Variants in CSRNP3 observed in about 807,000 individuals in gnomAD.
CSRNP3 encodes the protein cysteine and serine rich nuclear protein 3.
Under a neutral mutation model 48.0 loss-of-function variants are expected in CSRNP3, and 12 were observed. That is an observed-to-expected ratio of 0.25 (90% CI 0.16 to 0.41). The LOEUF (loss-of-function observed/expected upper bound fraction) is 0.41, where lower values mean the gene tolerates loss of function less well. CSRNP3 is among the 10% of genes least tolerant of loss of function. CSRNP3 has a pLI of 1.00. For synonymous variants in CSRNP3, 263 were observed against 269.7 expected, an observed-to-expected ratio of 0.98 and a Z score of 0.24; for missense variants, 580 against 724.4, an observed-to-expected ratio of 0.80 and a Z score of 2.29.
chr2:165,502,402 T>C (rs1008530638), intron 2 of CSRNP3, among the ~76,000 whole-genome samples: 1 of 152,002 alleles, frequency 6.6e-6, no homozygotes, highest in Admixed American at 6.6e-5. Flanking sequence ...TCTCTATATA[T>C]TTTCACAATT....
In CSRNP3 at chr2:165,492,042, C is replaced by G. The variant is rs141981956; in HGVS notation, c.-282-2717C>G. On this transcript the variant is annotated intron_variant, in intron 1 of 6. Coordinates refer to ENST00000651982, the MANE Select transcript of CSRNP3 (RefSeq NM_001172173.2). ...CTTTTAGGAAATACCTTAACCTTCCCTCCACTTTGTCCTCTTTCTAAATTC... is the reference window on the plus strand; with the variant it reads ...CTTTTAGGAAATACCTTAACCTTCCGTCCACTTTGTCCTCTTTCTAAATTC... Among the ~76,000 whole-genome samples the G allele has an allele frequency of 5.6e-4, 85 of 151,890 alleles. No homozygotes were observed. In the East Asian group the frequency reaches 0.015, roughly 27 times the overall value.
intron 3 of CSRNP3, among the ~76,000 whole-genome samples, chr2:165,569,658 A>T (rs1422953073): frequency 2.0e-5 from 3 of 151,914 alleles, no homozygotes; most frequent in Non-Finnish European, 4.4e-5. Context: ...TTTCTTTGTT[A>T]ATTTCATATT....
intron 1 of CSRNP3, among the ~76,000 whole-genome samples, chr2:165,477,487 T>TATAC (rs1253078585): frequency 1.6e-5 from 2 of 124,302 alleles, no homozygotes; most frequent in Non-Finnish European, 3.3e-5. Flanking sequence ...ATATGAAATA[T>TATAC]ATATATATAT....
At chr2:165,516,351 T>C (rs756405974) in intron 2 of CSRNP3, among the ~76,000 whole-genome samples, 1 of 152,140 alleles carries the variant, frequency 6.6e-6, no homozygotes, top group Non-Finnish European at 1.5e-5. Flanking sequence ...TATAATGTTC[T>C]CAATAGAATT....
chr2:165,548,368 A>G (rs935674766), intron 3 of CSRNP3, among the ~76,000 whole-genome samples: 1 of 152,012 alleles, frequency 6.6e-6, no homozygotes, highest in Non-Finnish European at 1.5e-5. Context: ...AAGATTAGTA[A>G]CATATACCTC....
chr2:165,480,456 T>C (rs1684025638), intron 1 of CSRNP3, among the ~76,000 whole-genome samples: 1 of 152,266 alleles, frequency 6.6e-6, no homozygotes, highest in East Asian at 1.9e-4. Flanking sequence ...GAATCCTACC[T>C]AGTACATATA....
chr2:165,482,106 A>T (rs982063934), intron 1 of CSRNP3, among the ~76,000 whole-genome samples: 1 of 152,088 alleles, frequency 6.6e-6, no homozygotes, highest in African/African-American at 2.4e-5. Flanking sequence ...AAATAAAATA[A>T]AATAGCTACT....
At chr2:165,517,770 A>G (rs1179416748) in intron 2 of CSRNP3, 103 bp from the exon 3 acceptor site, 1 of 152,362 alleles carries the variant, frequency 6.6e-6, no homozygotes, top group Non-Finnish European at 1.5e-5. Flanking sequence ...TAAGATTTCT[A>G]TTGATTTTCT....
intron 4 of CSRNP3, among the ~76,000 whole-genome samples, chr2:165,643,445 A>G (rs1686759548): frequency 6.6e-6 from 1 of 152,204 alleles, no homozygotes; most frequent in African/African-American, 2.4e-5. Flanking sequence ...CTATGTGCAT[A>G]GCATCTGTTT....
At chr2:165,596,507 T>C (rs1685814042) in intron 4 of CSRNP3, among the ~76,000 whole-genome samples, 1 of 152,176 alleles carries the variant, frequency 6.6e-6, no homozygotes, top group African/African-American at 2.4e-5. Context: ...GAAATAAATA[T>C]AGTAAAATCA....
At chr2:165,597,476 A>G (rs1476101607) in intron 4 of CSRNP3, among the ~76,000 whole-genome samples, 1 of 152,192 alleles carries the variant, frequency 6.6e-6, no homozygotes, top group Non-Finnish European at 1.5e-5. Flanking sequence ...CCAAAATACC[A>G]GATAGATTAC....
At chr2:165,482,014 C>G (rs1320773060) in intron 1 of CSRNP3, among the ~76,000 whole-genome samples, 1 of 151,998 alleles carries the variant, frequency 6.6e-6, no homozygotes, top group Admixed American at 6.5e-5. Context: ...CATGCATACA[C>G]CAAGCCCCTG....
At chr2:165,546,238 C>G (rs939427687) in intron 3 of CSRNP3, among the ~76,000 whole-genome samples, 1 of 152,132 alleles carries the variant, frequency 6.6e-6, no homozygotes, top group Non-Finnish European at 1.5e-5. Context: ...GTCGCCCAGG[C>G]TGGAGTGCAG....
intron 3 of CSRNP3, among the ~76,000 whole-genome samples, chr2:165,530,442 A>G (rs190671639): frequency 6.7e-4 from 102 of 152,310 alleles, no homozygotes; most frequent in African/African-American, 2.4e-3. Context: ...ATGTAAAGAA[A>G]AACCATCTTT....
intron 1 of CSRNP3, among the ~76,000 whole-genome samples, chr2:165,492,714 A>T (rs1425519335): frequency 7.8e-6 from 1 of 127,422 alleles, no homozygotes; most frequent in Non-Finnish European, 1.6e-5. Flanking sequence ...GTAAGTAAGC[A>T]CTATTAGAGT....
At chr2:165,486,911 G>A (rs1684128652) in intron 1 of CSRNP3, among the ~76,000 whole-genome samples, 1 of 89,720 alleles carries the variant, frequency 1.1e-5, no homozygotes, top group Admixed American at 1.3e-4. Flanking sequence ...AAGGAACGCA[G>A]TTCCTCACCA....
chr2:165,660,891 A>T (rs1163662834), intron 5 of CSRNP3, among the ~76,000 whole-genome samples: 2 of 152,200 alleles, frequency 1.3e-5, no homozygotes, highest in African/African-American at 4.8e-5. Context: ...ATACCAACCT[A>T]AAAGATAATG....
At chr2:165,482,427 C>T (rs1684060463) in intron 1 of CSRNP3, among the ~76,000 whole-genome samples, 1 of 152,000 alleles carries the variant, frequency 6.6e-6, no homozygotes, top group East Asian at 1.9e-4. Context: ...CTACGCTGGG[C>T]CAGTTTTTGT....
At chr2:165,609,120 A>AG (rs1686086662) in intron 4 of CSRNP3, among the ~76,000 whole-genome samples, 4 of 144,500 alleles carry the variant, frequency 2.8e-5, no homozygotes, top group African/African-American at 7.7e-5. Flanking sequence ...AAAAAAAAAA[A>AG]GTAGTGTCTG....
Sources: allele counts gnomAD v4.1 joint callset (sites outside exome capture counted in the v4.1 genomes callset), GRCh38; gene constraint gnomAD v4.1.1; transcripts MANE v1.5; gene names NCBI Gene and HGNC (gene_info 2026-07-23, HGNC 2026-07-21).